Variants in CTNNA3 observed in about 807,000 individuals in gnomAD.
CTNNA3 encodes catenin alpha-3.
In CTNNA3, 76 loss-of-function variants were observed where a neutral mutation model predicts 95.7. The ratio of observed to expected loss-of-function variants is 0.79; its 90% CI spans 0.66 to 0.96. The LOEUF (loss-of-function observed/expected upper bound fraction) is 0.96. Among genes scored for constraint, CTNNA3 ranks in the 40% least tolerant of loss-of-function variants. The pLI is 0.00. For missense variants in CTNNA3, 1,191 were observed against 1,089.8 expected (o/e 1.09, Z -1.31); for synonymous variants, 431 against 374.4 (o/e 1.15, Z -1.74).
chr10:66,729,904 A>G (rs1015957049), intron 9 of CTNNA3, among the ~76,000 whole-genome samples: 1 of 151,990 alleles, frequency 6.6e-6, no homozygotes, highest in South Asian at 2.1e-4. Flanking sequence ...GGAGATCGAG[A>G]CCATCCTGGC....
chr10:67,529,682 T>G (rs1840262476), intron 4 of CTNNA3, among the ~76,000 whole-genome samples: 1 of 151,434 alleles, frequency 6.6e-6, no homozygotes, highest in Non-Finnish European at 1.5e-5. Flanking sequence ...TAAAATAAAA[T>G]TTAAAAAATA....
At chr10:67,319,467 T>C (rs2132548012) in intron 5 of CTNNA3, among the ~76,000 whole-genome samples, 1 of 152,308 alleles carries the variant, frequency 6.6e-6, no homozygotes, top group African/African-American at 2.4e-5. Context: ...TTGATTAATA[T>C]TTATTAAATA....
intron 7 of CTNNA3, among the ~76,000 whole-genome samples, chr10:66,801,446 T>G (rs35581476): frequency 0.035 from 5,300 of 151,596 alleles, 235 homozygotes; most frequent in East Asian, 0.23. Flanking sequence ...CAACATTAAA[T>G]TATATTTTTA....
chr10:66,702,230 C>CA lies in CTNNA3; in HGVS notation c.1281+64033dup, dbSNP rs1209807550. Reference sequence around the variant, plus strand: ...GCTGTTGAACATCAGCAACAACCAACAATGGCAGGCTTTCAGTCTCCACCT... The same window carrying CA: ...GCTGTTGAACATCAGCAACAACCAACAAATGGCAGGCTTTCAGTCTCCACCT... On this transcript the variant is annotated intron_variant, in intron 9 of 17. Coordinates refer to ENST00000433211, the MANE Select transcript of CTNNA3 (RefSeq NM_013266.4). Among the ~76,000 whole-genome samples, 8 of 152,004 alleles carry CA rather than the reference C, an allele frequency of 5.3e-5. No individual in the cohort carries two copies. The South Asian group carries it at 1.5e-3, about 28-fold the overall frequency.
intron 10 of CTNNA3, among the ~76,000 whole-genome samples, chr10:66,553,540 T>TG: frequency 7.2e-6 from 1 of 138,654 alleles, no homozygotes; most frequent in Non-Finnish European, 1.6e-5. Flanking sequence ...TTTTTTTTTT[T>TG]TTTTGAGGCG....
chr10:66,257,661 C>T (rs1165992557), intron 13 of CTNNA3, among the ~76,000 whole-genome samples: 6 of 152,216 alleles, frequency 3.9e-5, no homozygotes, highest in Non-Finnish European at 7.3e-5. Flanking sequence ...GTTCTTCAGA[C>T]TCCCTGATGC....
intron 13 of CTNNA3, among the ~76,000 whole-genome samples, chr10:66,271,758 T>C (rs758965182): frequency 1.3e-5 from 2 of 152,192 alleles, no homozygotes; most frequent in Non-Finnish European, 2.9e-5. Flanking sequence ...TATTGGACCA[T>C]GGACTCCCCT....
intron 11 of CTNNA3, among the ~76,000 whole-genome samples, chr10:66,426,966 CAAGT>C: frequency 6.6e-6 from 1 of 151,968 alleles, no homozygotes; most frequent in Non-Finnish European, 1.5e-5. Flanking sequence ...TTATATCATT[CAAGT>C]AACTAATATT....
chr10:67,091,838 A>C lies in CTNNA3; in HGVS notation c.1047+88479T>G, dbSNP rs186992857. On this transcript the variant is annotated intron_variant, in intron 7 of 17. Coordinates refer to ENST00000433211, the MANE Select transcript of CTNNA3 (RefSeq NM_013266.4). ...TCTAATAAGTATTCCCTAGAACAAA[A>C]TAGGGACCAAGGAAGAGGAACCAGT... 4.6e-5 allele frequency among the ~76,000 whole-genome samples: 7 copies of C among 152,194 alleles called. No individual in the cohort carries two copies. The East Asian group carries it at 1.2e-3, about 25-fold the overall frequency.
chr10:67,436,403 T>C (rs781457273), intron 5 of CTNNA3, among the ~76,000 whole-genome samples: 2 of 152,152 alleles, frequency 1.3e-5, no homozygotes, highest in Non-Finnish European at 2.9e-5. Flanking sequence ...CTTCTAGACA[T>C]TGGCTTAGGC....
rs192373938 is a variant in CTNNA3 at position 66,748,539 on chromosome 10, G to A, written c.1281+17725C>T. ...GCTTAAATCATATTATTTAACTGTTGATCAGAGATAAATTAAAATTTTCAT... is the reference window on the plus strand; with the variant it reads ...GCTTAAATCATATTATTTAACTGTTAATCAGAGATAAATTAAAATTTTCAT... On this transcript the variant is annotated intron_variant, in intron 9 of 17. Coordinates refer to ENST00000433211, the MANE Select transcript of CTNNA3 (RefSeq NM_013266.4). Among the ~76,000 whole-genome samples the A allele has an allele frequency of 1.3e-3, 192 of 152,158 alleles. No homozygotes were observed. In the Middle Eastern group the frequency reaches 0.034, roughly 27 times the overall value.
intron 3 of CTNNA3, among the ~76,000 whole-genome samples, 172 bp from the exon 4 acceptor site, chr10:67,539,841 T>G (rs1589404528): frequency 6.6e-6 from 1 of 152,324 alleles, no homozygotes; most frequent in Non-Finnish European, 1.5e-5. Flanking sequence ...TTAACATTTG[T>G]TTTTCACAAA....
intron 7 of CTNNA3, among the ~76,000 whole-genome samples, chr10:66,887,777 C>G (rs889615615): frequency 2.6e-5 from 4 of 152,094 alleles, no homozygotes; most frequent in Admixed American, 2.6e-4. Context: ...TGCACAGAAC[C>G]AGAGGAAAAG....
At chr10:66,465,357 T>G (rs536637904) in intron 11 of CTNNA3, among the ~76,000 whole-genome samples, 1 of 152,256 alleles carries the variant, frequency 6.6e-6, no homozygotes, top group South Asian at 2.1e-4. Context: ...TTTGAATCAG[T>G]GTTCAGACTT....
chr10:66,646,875 G>C (rs1368968021), intron 9 of CTNNA3, among the ~76,000 whole-genome samples: 1 of 152,116 alleles, frequency 6.6e-6, no homozygotes, highest in Non-Finnish European at 1.5e-5. Flanking sequence ...GTAAATTTTA[G>C]TTTATAGTAG....
Position 66,176,150 on chromosome 10 carries a change from C to T in CTNNA3, c.1885-72901G>A, listed in dbSNP as rs77707780. On this transcript the variant is annotated intron_variant, in intron 13 of 17. Transcript: ENST00000433211. ...GCTTTAAAACAAGTTCAGTTGATGT[C>T]TGTGTGCATGTGTGCACACACATAC... Among the ~76,000 whole-genome samples the T allele has an allele frequency of 2.3e-3, 344 of 152,224 alleles. 6 individuals are homozygous for T. In the East Asian group the frequency reaches 0.029, roughly 13 times the overall value.
In CTNNA3 at chr10:65,915,447, C is replaced by T. The variant is rs2076995115; in HGVS notation, c.*4883G>A. On this transcript the variant is annotated 3_prime_UTR_variant, in exon 18 of 18. Transcript: ENST00000433211. ...CTGCAACTACCCCTCTCAGACCCTTCCCTACCTCTGGCACCTTCTTATTTG... is the reference window on the plus strand; with the variant it reads ...CTGCAACTACCCCTCTCAGACCCTTTCCTACCTCTGGCACCTTCTTATTTG... 2 of 152,280 alleles carry T rather than the reference C, an allele frequency of 1.3e-5. No homozygotes were observed. The highest frequency in any genetic ancestry group is 4.1e-4 in the South Asian group (2 of 4,822). 9.4% of individuals were successfully genotyped at this position (152,280 alleles called of 1,614,324 possible). A position where few individuals can be genotyped will look rare whatever the true frequency, so the allele number is the denominator to read the frequency against.
At chr10:67,254,579 C>T (rs901823437) in intron 5 of CTNNA3, among the ~76,000 whole-genome samples, 6 of 152,194 alleles carry the variant, frequency 3.9e-5, no homozygotes, top group Admixed American at 3.9e-4. Context: ...CTCTCAAGCT[C>T]ACTATTCTAA....
At chr10:67,350,991 G>A (rs1842613703) in intron 5 of CTNNA3, among the ~76,000 whole-genome samples, 1 of 151,026 alleles carries the variant, frequency 6.6e-6, no homozygotes, top group Non-Finnish European at 1.5e-5. Context: ...ATAGACATGT[G>A]TTTTTAAAAA....
Sources: allele counts gnomAD v4.1 joint callset (sites outside exome capture counted in the v4.1 genomes callset), GRCh38; gene constraint gnomAD v4.1.1; transcripts MANE v1.5; gene names NCBI Gene and HGNC (gene_info 2026-07-23, HGNC 2026-07-21).